Variants in CBFA2T2 observed in about 807,000 individuals in gnomAD.
CBFA2T2 encodes the protein protein CBFA2T2.
In CBFA2T2, 11 loss-of-function variants were observed where a neutral mutation model predicts 62.2. The ratio of observed to expected loss-of-function variants is 0.18; its 90% confidence interval spans 0.11 to 0.29. CBFA2T2 has a LOEUF of 0.29. Among genes scored for constraint, CBFA2T2 ranks in the 10% least tolerant of loss-of-function variants. CBFA2T2 has a pLI of 1.00. For synonymous variants in CBFA2T2, 295 were observed against 287.5 expected (o/e 1.03, Z -0.27); for missense variants, 592 against 774.1 (o/e 0.76, Z 2.79).
intron 1 of CBFA2T2, chr20:33,562,573 C>G: frequency 1.0e-6 from 1 of 985,800 alleles, no homozygotes; most frequent in South Asian, 4.7e-5. Context: ...TCCGATTGAG[C>G]TTTGAAGATT....
chr20:33,588,763 A>G (rs1273446637), intron 1 of CBFA2T2, among the ~76,000 whole-genome samples: 7 of 152,162 alleles, frequency 4.6e-5, no homozygotes, highest in Non-Finnish European at 7.3e-5. Flanking sequence ...CTTGACCAAC[A>G]TGATGAAACC....
intron 1 of CBFA2T2, among the ~76,000 whole-genome samples, chr20:33,524,347 T>G (rs191352461): frequency 2.0e-5 from 3 of 152,154 alleles, no homozygotes; most frequent in African/African-American, 7.2e-5. Context: ...CATATTATTA[T>G]GATTTTTGGA....
At chr20:33,624,668 A>G in intron 5 of CBFA2T2, 96 bp from the exon 6 acceptor site, 1 of 1,365,618 alleles carries the variant, frequency 7.3e-7, no homozygotes, top group Middle Eastern at 2.3e-4. Context: ...TTATGCCAGC[A>G]TGTAGCAAAA....
chr20:33,574,371 A>G, intron 1 of CBFA2T2: 1 of 906,420 alleles, frequency 1.1e-6, no homozygotes, highest in East Asian at 4.2e-5. Flanking sequence ...CACGCCTGTA[A>G]TCCCAGCACT....
chr20:33,627,586 G>A (rs770508330), intron 6 of CBFA2T2, among the ~76,000 whole-genome samples: 6 of 152,128 alleles, frequency 3.9e-5, no homozygotes, highest in Non-Finnish European at 7.4e-5. Context: ...ATCTACCTGT[G>A]TCAGCCTCCT....
chr20:33,625,429 T>C (rs1208222586), intron 6 of CBFA2T2, among the ~76,000 whole-genome samples: 2 of 151,976 alleles, frequency 1.3e-5, no homozygotes, highest in East Asian at 1.9e-4. Context: ...CAAAACTACA[T>C]TGAGCCATGA....
chr20:33,594,625 C>T (rs1044497131), intron 1 of CBFA2T2, among the ~76,000 whole-genome samples: 21 of 152,090 alleles, frequency 1.4e-4, no homozygotes, highest in Non-Finnish European at 2.9e-4. Context: ...GTAGGAAAGC[C>T]ATTAACTAGC....
intron 8 of CBFA2T2, among the ~76,000 whole-genome samples, chr20:33,631,047 G>T (rs756487844): frequency 1.3e-5 from 2 of 152,254 alleles, no homozygotes; most frequent in Non-Finnish European, 2.9e-5. Flanking sequence ...GGGCGTGGTG[G>T]CTCATGCCTG....
intron 8 of CBFA2T2, among the ~76,000 whole-genome samples, chr20:33,634,913 C>T (rs2016584308): frequency 6.6e-6 from 1 of 152,064 alleles, no homozygotes; most frequent in African/African-American, 2.4e-5. Context: ...AATAGTAGCT[C>T]TTCAGGGAAA....
rs145050721 is a variant in CBFA2T2, at chr20:33,571,930, G to A, written c.35-35026G>A. Among the ~76,000 whole-genome samples the A allele has an allele frequency of 4.1e-3, 629 of 152,178 alleles. 5 individuals are homozygous for A. Among genetic ancestry groups the A allele is most frequent in the African/African-American group, 0.014 (569 of 41,520 alleles). ...TTTTGAGATGGAGTCTCGCTCTGTC[G>A]CCCAGGCTGGAGTGCAGTGGCACAA... On this transcript the variant is annotated intron_variant, in intron 1 of 10. Coordinates refer to ENST00000342704, the MANE Select transcript of CBFA2T2 (RefSeq NM_001032999.3).
chr20:33,649,805 C>T lies in CBFA2T2; in HGVS notation c.*5159C>T, dbSNP rs1028801007. 6.6e-6 allele frequency: 1 copy of T among 152,494 alleles called. No individual in the cohort carries two copies. The highest frequency in any genetic ancestry group is 2.4e-5 in the African/African-American group (1 of 41,396). 9.4% of individuals were successfully genotyped at this position (152,494 alleles called of 1,614,324 possible). Reference sequence around the variant, plus strand: ...GCCAATAATGTAAATAAATAGAAAACGAAGCCTCCACGCGTGGTTTTTAAA... The same window carrying T: ...GCCAATAATGTAAATAAATAGAAAATGAAGCCTCCACGCGTGGTTTTTAAA... On this transcript the variant is annotated 3_prime_UTR_variant, in exon 11 of 11. Transcript: ENST00000342704.
At chr20:33,525,917 G>A (rs1399111747) in intron 1 of CBFA2T2, among the ~76,000 whole-genome samples, 5 of 152,172 alleles carry the variant, frequency 3.3e-5, no homozygotes, top group Non-Finnish European at 7.4e-5. Flanking sequence ...GCCTCCCAAA[G>A]TGTTGGAATT....
intron 1 of CBFA2T2, among the ~76,000 whole-genome samples, chr20:33,506,347 A>G (rs2146851319): frequency 6.6e-6 from 1 of 152,348 alleles, no homozygotes; most frequent in South Asian, 2.1e-4. Context: ...TACAATACAC[A>G]CAGAGACACA....
At chr20:33,598,595 A>G (rs1347323622) in intron 1 of CBFA2T2, among the ~76,000 whole-genome samples, 1 of 152,174 alleles carries the variant, frequency 6.6e-6, no homozygotes, top group Non-Finnish European at 1.5e-5. Context: ...CACCTGCTGT[A>G]CAATTTGTGC....
At chr20:33,615,283 C>A (rs1601069628) in intron 3 of CBFA2T2, among the ~76,000 whole-genome samples, 1 of 152,302 alleles carries the variant, frequency 6.6e-6, no homozygotes, top group East Asian at 1.9e-4. Context: ...CAAGCATGGG[C>A]ATTTTGCACT....
intron 1 of CBFA2T2, chr20:33,601,758 C>G (rs1253736860): frequency 1.3e-5 from 2 of 152,028 alleles, no homozygotes; most frequent in Non-Finnish European, 2.9e-5. Flanking sequence ...GATCTTCTAC[C>G]CCACACAGCA....
chr20:33,621,321 C>CA lies in CBFA2T2; in HGVS notation c.510+1719dup, dbSNP rs1469355262. ...TTTTTTTTTTTTTTTTTTGGGGAGA[C>CA]AAAATCTCGCCCTGTTGCCCAGGCT... On this transcript the variant is annotated intron_variant, in intron 4 of 10. Transcript: ENST00000342704. 1.6e-4 allele frequency among the ~76,000 whole-genome samples: 12 copies of CA among 73,246 alleles called. No individual in the cohort carries two copies. The Admixed American group carries it at 1.7e-3, about 10-fold the overall frequency. The allele number at this position is 73,246 out of a possible 152,430, so 48.1% of individuals were successfully genotyped here.
At chr20:33,609,160 GTAT>G (rs2122293465) in intron 2 of CBFA2T2, among the ~76,000 whole-genome samples, 1 of 151,944 alleles carries the variant, frequency 6.6e-6, no homozygotes, top group South Asian at 2.1e-4. Context: ...ATTGTGTATT[GTAT>G]TATTAATAAG....
intron 1 of CBFA2T2, among the ~76,000 whole-genome samples, chr20:33,534,935 T>G (rs2012165785): frequency 6.6e-6 from 1 of 152,090 alleles, no homozygotes; most frequent in Non-Finnish European, 1.5e-5. Flanking sequence ...GTCGCAAAAA[T>G]TACCAAAATG....
Sources: allele counts gnomAD v4.1 joint callset (sites outside exome capture counted in the v4.1 genomes callset), GRCh38; gene constraint gnomAD v4.1.1; transcripts MANE v1.5; gene names NCBI Gene and HGNC (gene_info 2026-07-23, HGNC 2026-07-21).